Variants in BPIFB1 observed in about 807,000 individuals in gnomAD.
BPIFB1 encodes the protein BPI fold containing family B member 1, also known as BPI fold-containing family B member 1.
In BPIFB1, 34 loss-of-function variants were observed where a neutral mutation model predicts 55.1. That is an observed-to-expected ratio of 0.62 (90% CI 0.47 to 0.82). The LOEUF (loss-of-function observed/expected upper bound fraction) is 0.82. BPIFB1 is among the 40% of genes least tolerant of loss of function. The probability of loss-of-function intolerance (pLI) is 0.00; values close to 1 mark genes in which losing one functional copy is unlikely to be tolerated. For synonymous variants in BPIFB1, 236 were observed against 245.3 expected, an observed-to-expected ratio of 0.96 and a Z score of 0.35; for missense variants, 532 against 593.1, an observed-to-expected ratio of 0.90 and a Z score of 1.07.
Position 33,309,774 on chromosome 20 carries a change from G to C in BPIFB1, c.*7G>C. On this transcript the variant is annotated 3_prime_UTR_variant, in exon 16 of 16. Coordinates refer to ENST00000253354, the MANE Select transcript of BPIFB1 (RefSeq NM_033197.3). This position sits in a 1 kb window ranked among gnomAD's most constrained non-coding sequence, Gnocchi z 4.4. ...CTCTCCTGTCTCCCAGTGAAGACTTGGATGGCAGCCATCAGGGAAGGCTGG... is the reference window on the plus strand; with the variant it reads ...CTCTCCTGTCTCCCAGTGAAGACTTCGATGGCAGCCATCAGGGAAGGCTGG... The C allele has an allele frequency of 6.2e-7, 1 of 1,613,630 alleles. No individual in the cohort carries two copies. The highest frequency in any genetic ancestry group is 8.5e-7 in the Non-Finnish European group (1 of 1,179,526).
intron 1 of BPIFB1, 66 bp downstream of exon 1, chr20:33,283,320 G>A (rs1980156354): frequency 6.6e-6 from 1 of 152,640 alleles, no homozygotes; most frequent in South Asian, 2.1e-4. Flanking sequence ...GATACCTGTT[G>A]GGGTCAGGTC....
At chr20:33,284,822 G>A (rs1980213567) in intron 1 of BPIFB1, among the ~76,000 whole-genome samples, 1 of 152,094 alleles carries the variant, frequency 6.6e-6, no homozygotes, top group Non-Finnish European at 1.5e-5. Context: ...GCAGCCAAGG[G>A]GCCAGAATAC....
At position 33,288,840 on chromosome 20, in the gene BPIFB1, T is replaced by A. The variant is rs963470910; in HGVS notation, c.215T>A (p.Val72Glu). Reference protein sequence around the residue: ...MREKPAGGIPVLGSLVNTVLK... With the variant: ...MREKPAGGIPELGSLVNTVLK... ...GAAAAGCCAGCCGGAGGCATCCCTG[T>A]GCTGGGCAGCCTGGTGAACACCGTC... Residue 72 changes from valine to glutamate, a missense_variant, in exon 3 of 16, where the codon GTG (valine) becomes GAG (glutamate). Val to Glu is a moderately radical substitution (Grantham distance 121, BLOSUM62 -2). Transcript: ENST00000253354. 1.1e-5 allele frequency: 17 copies of A among 1,613,970 alleles called. No homozygotes were observed. Among genetic ancestry groups the A allele is most frequent in the Non-Finnish European group, 1.4e-5 (17 of 1,180,020 alleles).
chr20:33,286,011 G>T, intron 1 of BPIFB1, 22 bp from the exon 2 acceptor site: 1 of 1,524,954 alleles, frequency 6.6e-7, no homozygotes, highest in Non-Finnish European at 9.1e-7. Context: ...CTCTGCCTCA[G>T]GTCCCTCTGT....
At chr20:33,299,697 G>A (rs1453414189) in intron 7 of BPIFB1, among the ~76,000 whole-genome samples, 1 of 152,168 alleles carries the variant, frequency 6.6e-6, no homozygotes, top group Admixed American at 6.5e-5. Context: ...CAGCTGACAT[G>A]CAGAGGCCTG....
intron 6 of BPIFB1, among the ~76,000 whole-genome samples, chr20:33,292,923 TTTTG>T (rs1443628470): frequency 2.0e-5 from 3 of 152,208 alleles, no homozygotes; most frequent in Admixed American, 6.5e-5. Flanking sequence ...TGATTTTTGT[TTTTG>T]TTTGTTTGTT....
chr20:33,302,599 A>G, intron 10 of BPIFB1, 187 bp downstream of exon 10: 1 of 683,174 alleles, frequency 1.5e-6, no homozygotes, highest in South Asian at 1.7e-5. Context: ...TCACATGGAT[A>G]GTATTTCCAT....
Position 33,309,590 on chromosome 20 carries a change from G to T in BPIFB1, c.1396-118G>T. On this transcript the variant is annotated intron_variant, in intron 15 of 15. Transcript: ENST00000253354. The surrounding 1 kb of genome is among the most constrained non-coding windows in gnomAD (Gnocchi z 4.4). ...CCCTTCTAAGAATTCTGTATTTGTG[G>T]GTTCAGGGTCATGGTCCCCCGGTGC... 1 of 898,302 alleles carries T rather than the reference G, an allele frequency of 1.1e-6. No individual in the cohort carries two copies. The highest frequency in any genetic ancestry group is 1.8e-6 in the Non-Finnish European group (1 of 555,116). 55.6% of individuals were successfully genotyped at this position (898,302 alleles called of 1,614,324 possible). A position where few individuals can be genotyped will look rare whatever the true frequency, so the allele number is the denominator to read the frequency against.
intron 9 of BPIFB1, among the ~76,000 whole-genome samples, 159 bp downstream of exon 9, chr20:33,301,571 A>G (rs1980853670): frequency 6.6e-6 from 1 of 152,138 alleles, no homozygotes; most frequent in Non-Finnish European, 1.5e-5. Flanking sequence ...ATAGCTCTAA[A>G]CCTAAAATCC....
chr20:33,307,011 T>C, intron 15 of BPIFB1, 24 bp downstream of exon 15: 1 of 1,607,818 alleles, frequency 6.2e-7, no homozygotes, highest in South Asian at 1.1e-5. Flanking sequence ...GCCCTAAACA[T>C]CCTGCCCCAG....
At position 33,288,791 on chromosome 20, in the gene BPIFB1, C is replaced by A; in HGVS notation, c.166C>A (p.Leu56Met). 6.2e-7 allele frequency: 1 copy of A among 1,614,036 alleles called. No homozygotes were observed. Among genetic ancestry groups the A allele is most frequent in the Non-Finnish European group, 8.5e-7 (1 of 1,180,030 alleles). Residue 56 changes from leucine (L) to methionine (M), a missense_variant, in exon 3 of 16, where the codon CTG becomes ATG. Transcript: ENST00000253354. ...CAACGCCACCAGCATCCTGCAGCAG[C>A]TGCCGCTGCTCAGTGCCATGCGGGA... ...DHNATSILQQ[L>M]PLLSAMREKP...
chr20:33,290,067 T>C (rs902547026), intron 4 of BPIFB1, 75 bp downstream of exon 4: 4 of 1,130,340 alleles, frequency 3.5e-6, no homozygotes, highest in East Asian at 4.9e-5. Flanking sequence ...GCCCCCACCA[T>C]GCAGGTGTCT....
chr20:33,292,388 G>T (rs1980503534), intron 6 of BPIFB1, among the ~76,000 whole-genome samples: 1 of 152,302 alleles, frequency 6.6e-6, no homozygotes, highest in Non-Finnish European at 1.5e-5. Context: ...AATAGCACAC[G>T]ATTGTATATT....
At chr20:33,302,889 C>T in intron 10 of BPIFB1, 27 bp from the exon 11 acceptor site, 1 of 1,610,844 alleles carries the variant, frequency 6.2e-7, no homozygotes, top group Non-Finnish European at 8.5e-7. Context: ...ACTTGGGAGG[C>T]CACATGTGGG....
chr20:33,286,096 C>T lies in BPIFB1; in HGVS notation c.23C>T (p.Thr8Ile). The T allele has an allele frequency of 6.2e-7, 1 of 1,614,226 alleles. No individual in the cohort carries two copies. The highest frequency in any genetic ancestry group is 2.2e-5 in the East Asian group (1 of 44,880). Residue 8 changes from threonine to isoleucine, a missense_variant, in exon 2 of 16, where the codon ACC becomes ATC. By Grantham distance (89) the Thr-to-Ile change is moderately conservative. Coordinates refer to ENST00000253354, the MANE Select transcript of BPIFB1 (RefSeq NM_033197.3). ...AAGATGGCCGGCCCGTGGACCTTCA[C>T]CCTTCTCTGTGGTTTGCTGGCAGCC... is the stretch of plus-strand genomic sequence containing the variant. Reference protein sequence around the residue: MAGPWTFTLLCGLLAATL... With the variant: MAGPWTFILLCGLLAATL...
intron 7 of BPIFB1, 55 bp from the exon 8 acceptor site, chr20:33,299,844 C>A: frequency 1.4e-6 from 2 of 1,434,758 alleles, no homozygotes; most frequent in Non-Finnish European, 2.0e-6. Flanking sequence ...CCCCCAACTT[C>A]CCCCTCCAAT....
At chr20:33,291,150 A>C (rs1980459596) in intron 5 of BPIFB1, 44 bp downstream of exon 5, 2 of 1,598,618 alleles carry the variant, frequency 1.3e-6, no homozygotes, top group East Asian at 4.5e-5. Flanking sequence ...CCTGCCTGGA[A>C]GGAACGCCAG....
Position 33,302,974 on chromosome 20 carries a change from A to G in BPIFB1, c.1040A>G (p.Glu347Gly). Reference protein sequence around the residue: ...IVKILTQDTPEFFIDQGHAKV... With the variant: ...IVKILTQDTPGFFIDQGHAKV... ...AAGATCCTAACTCAGGACACTCCCG[A>G]GTTTTTTATAGACCAAGGCCATGCC... Residue 347 changes from glutamate (E) to glycine (G), a missense_variant, in exon 11 of 16, where the codon GAG becomes GGG. Glu to Gly is a moderately conservative substitution (Grantham distance 98). Transcript: ENST00000253354. The G allele has an allele frequency of 6.2e-7, 1 of 1,614,166 alleles. No homozygotes were observed. Among genetic ancestry groups the G allele is most frequent in the Non-Finnish European group, 8.5e-7 (1 of 1,180,022 alleles).
intron 2 of BPIFB1, 132 bp from the exon 3 acceptor site, chr20:33,288,609 A>G: frequency 9.5e-7 from 1 of 1,052,958 alleles, no homozygotes; most frequent in African/African-American, 1.6e-5. Flanking sequence ...GACCTCCACC[A>G]CAGTAGAGAT....
Sources: gnomAD v4.1 joint callset for allele counts (sites outside exome capture counted in the v4.1 genomes callset) on GRCh38, gnomAD v4.1.1 for gene constraint, Gnocchi (gnomAD v3.1) non-coding constraint, MANE v1.5 for transcripts, NCBI Gene and HGNC (gene_info 2026-07-23, HGNC 2026-07-21) for gene names.